IL13RA1: variants seen among roughly 807,000 people sequenced by gnomAD.
IL13RA1 encodes interleukin-13 receptor subunit alpha-1.
Under a neutral mutation model 33.8 loss-of-function variants are expected in IL13RA1, and 14 were observed. The ratio of observed to expected loss-of-function variants is 0.41; its 90% CI spans 0.27 to 0.65. The LOEUF (loss-of-function observed/expected upper bound fraction) is 0.65, where lower values mean the gene tolerates loss of function less well. Among genes scored for constraint, IL13RA1 ranks in the 30% least tolerant of loss-of-function variants. The pLI, the probability that IL13RA1 is intolerant of heterozygous loss-of-function variation, is 0.28. For missense variants in IL13RA1, 313 were observed against 327.0 expected (o/e 0.96, Z 0.33); for synonymous variants, 116 against 115.7 (o/e 1.00, Z -0.02).
chrX:118,763,484 T>C (rs2017612095), intron 6 of IL13RA1, among the ~76,000 whole-genome samples: 1 of 112,570 alleles, frequency 8.9e-6, no homozygotes, highest in African/African-American at 3.2e-5. Context: ...CGCTAAGACT[T>C]GGATTCTTAA....
chrX:118,769,728 G>A (rs1308897054), intron 8 of IL13RA1: 1 of 113,473 alleles, frequency 8.8e-6, no homozygotes, highest in African/African-American at 3.2e-5. Context: ...GCATCCCCTG[G>A]GCTCACCCAG....
At chrX:118,775,907 C>T (rs183816664) in intron 9 of IL13RA1, among the ~76,000 whole-genome samples, 100 of 111,313 alleles carry the variant, frequency 9.0e-4, no homozygotes, top group Non-Finnish European at 1.3e-3. Context: ...TGGGAATCCT[C>T]GGCATGTGAA....
At chrX:118,755,825 C>T (rs1160569131) in intron 4 of IL13RA1, among the ~76,000 whole-genome samples, 1 of 112,002 alleles carries the variant, frequency 8.9e-6, no homozygotes, top group Admixed American at 9.5e-5. Flanking sequence ...CATTCCAGGA[C>T]AGTCTGATCC....
chrX:118,767,061 C>T, intron 8 of IL13RA1, 85 bp downstream of exon 8: 1 of 480,222 alleles, frequency 2.1e-6, no homozygotes, highest in South Asian at 5.3e-5. Flanking sequence ...GGGAAAGGGA[C>T]TGTCATGCTC....
Position 118,744,354 on chromosome X carries a change from C to G in IL13RA1, c.229-2600C>G, listed in dbSNP as rs1028738423. 1.8e-4 allele frequency among the ~76,000 whole-genome samples: 20 copies of G among 111,212 alleles called. No individual in the cohort carries two copies. In the Admixed American group the frequency reaches 1.8e-3, roughly 10 times the overall value. ...CCTTTTCTATGTTATTATTCATATG[C>G]CTGAAGCATAAGGTTCGGATTTAGA... On this transcript the variant is annotated intron_variant, in intron 2 of 10. Coordinates refer to ENST00000371666, the MANE Select transcript of IL13RA1 (RefSeq NM_001560.3).
intron 4 of IL13RA1, among the ~76,000 whole-genome samples, chrX:118,751,900 CAAAA>C (rs34902050): frequency 1.4e-4 from 7 of 48,985 alleles, no homozygotes; most frequent in East Asian, 6.1e-4. Flanking sequence ...GAATAGAATG[CAAAA>C]AAAAAAAAAA....
chrX:118,766,623 T>C (rs1235114303), intron 7 of IL13RA1, 46 bp downstream of exon 7: 11 of 727,445 alleles, frequency 1.5e-5, no homozygotes, highest in East Asian at 3.2e-5. Context: ...CTTAGAGCAG[T>C]TGGGGGTGGA....
At chrX:118,771,152 C>T (rs1237464667) in intron 8 of IL13RA1, among the ~76,000 whole-genome samples, 5 of 111,920 alleles carry the variant, frequency 4.5e-5, no homozygotes, top group Admixed American at 2.8e-4. Context: ...TGGAAGGGAT[C>T]CTTATAGAGA....
chrX:118,731,422 CA>C (rs2017216552), intron 1 of IL13RA1, among the ~76,000 whole-genome samples: 1 of 110,914 alleles, frequency 9.0e-6, no homozygotes, highest in African/African-American at 3.3e-5. Flanking sequence ...ACTAAAAATA[CA>C]AAAATTAGCC....
intron 4 of IL13RA1, among the ~76,000 whole-genome samples, chrX:118,756,569 A>G (rs1401608979): frequency 9.0e-6 from 1 of 111,678 alleles, no homozygotes; most frequent in Non-Finnish European, 1.9e-5. Flanking sequence ...TGAAGAAGCA[A>G]TGGAGCCTGT....
chrX:118,775,592 T>C (rs1474430749), intron 9 of IL13RA1, among the ~76,000 whole-genome samples: 1 of 111,124 alleles, frequency 9.0e-6, no homozygotes, highest in African/African-American at 3.3e-5. Flanking sequence ...AGAAATAGTA[T>C]ATATTTTGAG....
downstream of IL13RA1, among the ~76,000 whole-genome samples, chrX:118,799,062 C>T (rs780063632): frequency 1.8e-5 from 2 of 113,082 alleles, no homozygotes; most frequent in African/African-American, 6.4e-5. Flanking sequence ...AGCCAGCCAG[C>T]CCTGCTGGCC....
At chrX:118,769,377 T>C (rs748049277) in intron 8 of IL13RA1, among the ~76,000 whole-genome samples, 6 of 112,679 alleles carry the variant, frequency 5.3e-5, no homozygotes, top group Non-Finnish European at 1.1e-4. Flanking sequence ...TGAGGCCTGA[T>C]GCCATTATTT....
chrX:118,803,179 T>A, the IL13RA1 span, among the ~76,000 whole-genome samples: 1 of 112,207 alleles, frequency 8.9e-6, no homozygotes, highest in East Asian at 2.8e-4. Context: ...AGTTTGTGGG[T>A]TACCATTTCT....
chrX:118,792,682 C>G lies in IL13RA1; in HGVS notation c.*828C>G, dbSNP rs928410473. 1.8e-5 allele frequency: 2 copies of G among 112,193 alleles called. No homozygotes were observed. The highest frequency in any genetic ancestry group is 6.5e-5 in the African/African-American group (2 of 30,642). The allele number at this position is 112,193 out of a possible 1,213,427, so 9.2% of individuals were successfully genotyped here. ...AAAACAAAACAAAACAAAAAAACCT[C>G]TTAATATTCTGGAGTCATCATTCCC... On this transcript the variant is annotated 3_prime_UTR_variant, in exon 11 of 11. Transcript: ENST00000371666.
intron 10 of IL13RA1, among the ~76,000 whole-genome samples, chrX:118,782,389 T>C (rs1262063378): frequency 1.8e-5 from 2 of 111,714 alleles, no homozygotes; most frequent in Non-Finnish European, 3.8e-5. Context: ...TCTACACTTA[T>C]TAGCTGACAG....
At chrX:118,766,359 A>G (rs187264069) in intron 6 of IL13RA1, among the ~76,000 whole-genome samples, 171 bp from the exon 7 acceptor site, 7 of 110,396 alleles carry the variant, frequency 6.3e-5, no homozygotes, top group African/African-American at 2.0e-4. Flanking sequence ...TTTCATATGC[A>G]TATGTAATTG....
At chrX:118,735,312 T>C (rs1398366458) in intron 1 of IL13RA1, among the ~76,000 whole-genome samples, 1 of 111,279 alleles carries the variant, frequency 9.0e-6, no homozygotes, top group African/African-American at 3.3e-5. Flanking sequence ...CTTTTTCTTT[T>C]ATCTCTGGTC....
At chrX:118,771,419 C>T (rs901146878) in intron 8 of IL13RA1, among the ~76,000 whole-genome samples, 1 of 112,136 alleles carries the variant, frequency 8.9e-6, no homozygotes, top group Non-Finnish European at 1.9e-5. Flanking sequence ...AGGCACCAAC[C>T]CCAGAGATTC....
Sources: allele counts gnomAD v4.1 joint callset (sites outside exome capture counted in the v4.1 genomes callset), GRCh38; gene constraint gnomAD v4.1.1; transcripts MANE v1.5; gene names NCBI Gene and HGNC (gene_info 2026-07-23, HGNC 2026-07-21).